PLPPR1: variants seen among roughly 807,000 people sequenced by gnomAD.
The protein encoded by PLPPR1 is phospholipid phosphatase-related protein type 1.
PLPPR1 carries 10 observed loss-of-function variants against 33.1 expected under a neutral mutation model. The ratio of observed to expected loss-of-function variants is 0.30; its 90% CI spans 0.19 to 0.51. The LOEUF (loss-of-function observed/expected upper bound fraction) is 0.51, where lower values mean the gene tolerates loss of function less well. Ranked by LOEUF, PLPPR1 falls within the 20% of genes least tolerant of loss-of-function variation. The probability of loss-of-function intolerance (pLI) is 0.97; values close to 1 mark genes in which losing one functional copy is unlikely to be tolerated. For synonymous variants in PLPPR1, 151 were observed against 151.0 expected, an observed-to-expected ratio of 1.00 and a Z score of 0.00; for missense variants, 304 against 408.1, an observed-to-expected ratio of 0.74 and a Z score of 2.20.
chr9:101,104,509 T>C (rs1430818646), intron 1 of PLPPR1, among the ~76,000 whole-genome samples: 9 of 126,600 alleles, frequency 7.1e-5, no homozygotes, highest in Admixed American at 1.5e-4. Flanking sequence ...CACTTGATCA[T>C]GGTGGATAAG....
chr9:101,089,835 A>G (rs1830721255), intron 1 of PLPPR1, among the ~76,000 whole-genome samples: 1 of 152,134 alleles, frequency 6.6e-6, no homozygotes, highest in South Asian at 2.1e-4. Context: ...GAAGCATTTG[A>G]TACATATTTC....
At chr9:101,202,140 G>C (rs1826505944) in intron 2 of PLPPR1, among the ~76,000 whole-genome samples, 1 of 152,168 alleles carries the variant, frequency 6.6e-6, no homozygotes. Context: ...CTTTGGATCG[G>C]TCATGCAAAT....
chr9:101,071,216 G>A (rs1223928311), intron 1 of PLPPR1, among the ~76,000 whole-genome samples: 2 of 151,984 alleles, frequency 1.3e-5, no homozygotes, highest in African/African-American at 4.8e-5. Flanking sequence ...CATCAGCAGG[G>A]GACAGCTCAG....
At chr9:101,123,084 A>G (rs1235274945) in intron 1 of PLPPR1, among the ~76,000 whole-genome samples, 1 of 152,196 alleles carries the variant, frequency 6.6e-6, no homozygotes, top group Non-Finnish European at 1.5e-5. Flanking sequence ...TTTGTTATAG[A>G]TGGTTCTCCC....
Position 101,238,525 on chromosome 9 carries a change from C to G in PLPPR1, c.64-31355C>G, listed in dbSNP as rs1228487588. Among the ~76,000 whole-genome samples the G allele has an allele frequency of 2.6e-5, 4 of 151,300 alleles. No homozygotes were observed. The South Asian group carries it at 6.3e-4, about 24-fold the overall frequency. On this transcript the variant is annotated intron_variant, in intron 2 of 7. Transcript: ENST00000374874. ...GAGGCCATTATCCTAAGTGAAATAACTCAGAAACAAAGTCAAATACTGCAT... is the reference window on the plus strand; with the variant it reads ...GAGGCCATTATCCTAAGTGAAATAAGTCAGAAACAAAGTCAAATACTGCAT...
intron 1 of PLPPR1, among the ~76,000 whole-genome samples, chr9:101,048,325 A>G (rs1830178649): frequency 6.6e-6 from 1 of 152,236 alleles, no homozygotes; most frequent in African/African-American, 2.4e-5. Context: ...GACAAAAGGC[A>G]TAGACATAAG....
chr9:101,299,133 C>T (rs1828700930), intron 4 of PLPPR1, among the ~76,000 whole-genome samples: 1 of 152,148 alleles, frequency 6.6e-6, no homozygotes. Flanking sequence ...AGGACATGGG[C>T]CTATAAGCAG....
At chr9:101,322,836 TTATA>T (rs886884315) in intron 7 of PLPPR1, among the ~76,000 whole-genome samples, 4 of 152,146 alleles carry the variant, frequency 2.6e-5, no homozygotes, top group African/African-American at 9.7e-5. Context: ...CTGATGTGCA[TTATA>T]TATAACCCTC....
Position 101,156,045 on chromosome 9 carries a change from G to C in PLPPR1, c.-45-29405G>C, listed in dbSNP as rs777465256. 4.0e-4 allele frequency among the ~76,000 whole-genome samples: 61 copies of C among 152,294 alleles called. 1 individual carries two copies. The highest frequency in any genetic ancestry group is 3.1e-3 in the South Asian group (15 of 4,820). ...CTTCTTCTGGCAGATATAATACTTA[G>C]CACTGGGGTTATAGCAGAGAACAAA... On this transcript the variant is annotated intron_variant, in intron 1 of 7. Coordinates refer to ENST00000374874, the MANE Select transcript of PLPPR1 (RefSeq NM_207299.2).
At chr9:101,220,778 C>G (rs1826916005) in intron 2 of PLPPR1, among the ~76,000 whole-genome samples, 1 of 152,156 alleles carries the variant, frequency 6.6e-6, no homozygotes, top group African/African-American at 2.4e-5. Flanking sequence ...AGTCATATGC[C>G]CATCTCTGAA....
chr9:101,081,748 A>T (rs1390568909), intron 1 of PLPPR1, among the ~76,000 whole-genome samples: 2 of 152,172 alleles, frequency 1.3e-5, no homozygotes, highest in Middle Eastern at 3.2e-3. Flanking sequence ...TAAATCTTAG[A>T]AAAAGGAATG....
Position 101,283,787 on chromosome 9 carries a change from A to G in PLPPR1, c.253-2317A>G, listed in dbSNP as rs185177678. On this transcript the variant is annotated intron_variant, in intron 3 of 7. Transcript: ENST00000374874. ...GATTATTAAAATATAAGAAAATCAA[A>G]CAACTCAATAGCAAGATAATAACCC... Among the ~76,000 whole-genome samples the G allele has an allele frequency of 7.2e-5, 11 of 152,322 alleles. No individual in the cohort carries two copies. The East Asian group carries it at 1.7e-3, about 24-fold the overall frequency.
intron 1 of PLPPR1, among the ~76,000 whole-genome samples, chr9:101,039,444 T>A (rs1462858245): frequency 3.3e-5 from 5 of 152,186 alleles, no homozygotes; most frequent in Admixed American, 3.3e-4. Context: ...ATTTTTGATA[T>A]ACCCATGATA....
chr9:101,255,884 T>TCA (rs1827793246), intron 2 of PLPPR1, among the ~76,000 whole-genome samples: 1 of 152,186 alleles, frequency 6.6e-6, no homozygotes, highest in Non-Finnish European at 1.5e-5. Context: ...GGTCTGAACT[T>TCA]CACGAGCTAG....
At chr9:101,291,066 C>T (rs1479669274) in intron 4 of PLPPR1, among the ~76,000 whole-genome samples, 10 of 152,214 alleles carry the variant, frequency 6.6e-5, no homozygotes, top group Non-Finnish European at 1.0e-4. Context: ...CCTGGAAAAT[C>T]GGGTCACTCC....
At chr9:101,236,236 C>CA (rs982995273) in intron 2 of PLPPR1, among the ~76,000 whole-genome samples, 2 of 151,526 alleles carry the variant, frequency 1.3e-5, no homozygotes, top group African/African-American at 4.8e-5. Context: ...TAAACAATTC[C>CA]AAAAAAAGTC....
At chr9:101,193,055 C>A (rs971249083) in intron 2 of PLPPR1, among the ~76,000 whole-genome samples, 16 of 152,090 alleles carry the variant, frequency 1.1e-4, no homozygotes, top group African/African-American at 3.4e-4. Context: ...AGTGAGGGTT[C>A]CTCTGTTCTT....
At chr9:101,323,868 T>C (rs1455972080) in intron 7 of PLPPR1, among the ~76,000 whole-genome samples, 157 bp from the exon 8 acceptor site, 1 of 151,732 alleles carries the variant, frequency 6.6e-6, no homozygotes, top group Non-Finnish European at 1.5e-5. Context: ...ACCAAAGAGG[T>C]AAGGGAAATT....
At chr9:101,044,291 C>T (rs1830119449) in intron 1 of PLPPR1, among the ~76,000 whole-genome samples, 1 of 152,202 alleles carries the variant, frequency 6.6e-6, no homozygotes. Flanking sequence ...TTGCTGCTGA[C>T]TCCTACTGCT....
Sources: gnomAD v4.1 joint callset for allele counts (sites outside exome capture counted in the v4.1 genomes callset) on GRCh38, gnomAD v4.1.1 for gene constraint, MANE v1.5 for transcripts, NCBI Gene and HGNC (gene_info 2026-07-23, HGNC 2026-07-21) for gene names.